FANCL: variants seen among roughly 807,000 people sequenced by gnomAD.
FANCL encodes E3 ubiquitin-protein ligase FANCL.
Under a neutral mutation model 59.4 loss-of-function variants are expected in FANCL, and 69 were observed. The observed-to-expected ratio is 1.16, with a 90% confidence interval of 0.96 to 1.42. The LOEUF is 1.42. Among genes scored for constraint, FANCL ranks in the 40% most tolerant of loss-of-function variants. The pLI, the probability that FANCL is intolerant of heterozygous loss-of-function variation, is 0.00. For synonymous variants in FANCL, 180 were observed against 147.1 expected (o/e 1.22, Z -1.62); for missense variants, 519 against 447.2 (o/e 1.16, Z -1.45).
intron 7 of FANCL, among the ~76,000 whole-genome samples, chr2:58,173,429 G>C (rs975161597): frequency 1.3e-4 from 20 of 152,314 alleles, no homozygotes; most frequent in African/African-American, 4.8e-4. Flanking sequence ...CAGACTAACA[G>C]CTGATCTCTC....
At chr2:58,167,609 T>C (rs1686086761) in intron 7 of FANCL, among the ~76,000 whole-genome samples, 1 of 152,194 alleles carries the variant, frequency 6.6e-6, no homozygotes, top group Admixed American at 6.5e-5. Flanking sequence ...CTAATTGCAT[T>C]TTGAACAGAA....
At chr2:58,176,125 A>G (rs1414671442) in intron 7 of FANCL, among the ~76,000 whole-genome samples, 1 of 151,564 alleles carries the variant, frequency 6.6e-6, no homozygotes, top group East Asian at 1.9e-4. Flanking sequence ...CAAGGAAATA[A>G]AAGAGGATAC....
intron 3 of FANCL, among the ~76,000 whole-genome samples, chr2:58,227,788 G>A (rs911084625): frequency 2.0e-5 from 3 of 152,138 alleles, no homozygotes; most frequent in Non-Finnish European, 2.9e-5. Context: ...CCCGGGGGTG[G>A]AGCCCTCACC....
At chr2:58,214,843 T>G (rs567235212) in intron 5 of FANCL, among the ~76,000 whole-genome samples, 11 of 152,180 alleles carry the variant, frequency 7.2e-5, no homozygotes, top group African/African-American at 2.6e-4. Flanking sequence ...GCCTTATGTA[T>G]CCTTAGTGCT....
intron 4 of FANCL, among the ~76,000 whole-genome samples, chr2:58,222,838 C>A (rs1437199485): frequency 2.0e-5 from 3 of 151,526 alleles, no homozygotes; most frequent in African/African-American, 7.3e-5. Flanking sequence ...AACGGTATTA[C>A]AAAAAGTAAA....
chr2:58,205,281 C>G (rs527413624), intron 5 of FANCL, among the ~76,000 whole-genome samples: 2 of 152,062 alleles, frequency 1.3e-5, no homozygotes, highest in South Asian at 4.2e-4. Flanking sequence ...GAAAATATGT[C>G]TAAATCTGAA....
intron 12 of FANCL, among the ~76,000 whole-genome samples, chr2:58,160,941 A>G (rs189062884): frequency 3.9e-5 from 6 of 152,122 alleles, no homozygotes; most frequent in Admixed American, 6.5e-5. Flanking sequence ...TCATGTATCA[A>G]CTAGGCCCTA....
At chr2:58,212,679 A>T (rs533319398) in intron 5 of FANCL, among the ~76,000 whole-genome samples, 1 of 152,298 alleles carries the variant, frequency 6.6e-6, no homozygotes, top group East Asian at 1.9e-4. Context: ...TCTGTAAAAC[A>T]ACATGGGCAG....
Position 58,161,561 on chromosome 2 carries a change from A to G in FANCL, c.981T>C (p.Ser327=), listed in dbSNP as rs848291. Residue 327 remains serine, a synonymous_variant, in exon 12 of 14, where the codon TCT becomes TCC. Transcript: ENST00000233741. Reference sequence around the variant, plus strand: ...TTTGATGGAAAGGTTGTCCACACTGAGAATTATCACACACTTGATCAGGAA... The same window carrying G: ...TTTGATGGAAAGGTTGTCCACACTGGGAATTATCACACACTTGATCAGGAA... The part of the protein sequence containing the change: ...GTIPDQVCDN[S]QCGQPFHQIC... 1,010,034 of 1,608,860 alleles carry G rather than the reference A, an allele frequency of 0.63. 321,362 individuals carry two copies. The highest frequency in any genetic ancestry group is 0.91 in the African/African-American group (67,793 of 74,852).
At chr2:58,202,053 C>A (rs1224633686) in intron 6 of FANCL, among the ~76,000 whole-genome samples, 2 of 151,564 alleles carry the variant, frequency 1.3e-5, no homozygotes, top group Non-Finnish European at 3.0e-5. Flanking sequence ...AACGTTTCAA[C>A]TATTAGTGTA....
At chr2:58,165,164 T>C (rs563025138) in intron 8 of FANCL, among the ~76,000 whole-genome samples, 2 of 152,248 alleles carry the variant, frequency 1.3e-5, no homozygotes, top group African/African-American at 4.8e-5. Flanking sequence ...GTCGAGAACA[T>C]GATAACATTG....
chr2:58,206,638 A>G (rs963311556), intron 5 of FANCL, among the ~76,000 whole-genome samples: 3 of 152,232 alleles, frequency 2.0e-5, no homozygotes, highest in African/African-American at 7.2e-5. Context: ...TTGTAATCAC[A>G]TAACATAAAA....
At chr2:58,171,762 G>A (rs905361175) in intron 7 of FANCL, among the ~76,000 whole-genome samples, 1 of 152,348 alleles carries the variant, frequency 6.6e-6, no homozygotes, top group Non-Finnish European at 1.5e-5. Context: ...GCGCAAGACA[G>A]TGGGTGCAGT....
intron 7 of FANCL, among the ~76,000 whole-genome samples, chr2:58,192,293 G>C (rs529518507): frequency 6.6e-6 from 1 of 151,848 alleles, no homozygotes; most frequent in South Asian, 2.1e-4. Context: ...AAACTATAGC[G>C]ATATAATATC....
intron 1 of FANCL, among the ~76,000 whole-genome samples, chr2:58,234,004 A>G (rs2103950094): frequency 6.6e-6 from 1 of 152,252 alleles, no homozygotes; most frequent in Admixed American, 6.5e-5. Flanking sequence ...TCCATTAAAT[A>G]AATTGTACAA....
In FANCL at chr2:58,191,918, TTCTC is replaced by T. The variant is rs376831871; in HGVS notation, c.540+6672_540+6675del. Among the ~76,000 whole-genome samples, 161 of 152,046 alleles carry T rather than the reference TTCTC, an allele frequency of 1.1e-3. 1 individual carries two copies. The highest frequency in any genetic ancestry group is 3.7e-3 in the African/African-American group (153 of 41,570). On this transcript the variant is annotated intron_variant, in intron 7 of 13. Transcript: ENST00000233741. ...ATGTAATCTATGACACAGATATTCT[TTCTC>T]TCTTTTTATAAATAAGTAATTTACA... is the stretch of plus-strand genomic sequence containing the variant.
At chr2:58,235,596 C>A (rs2110664) in intron 1 of FANCL, among the ~76,000 whole-genome samples, 64,793 of 151,858 alleles carry the variant, frequency 0.43, 18,359 homozygotes, top group African/African-American at 0.82. Flanking sequence ...CAACAGGTAG[C>A]ATTCATTATG....
chr2:58,185,485 C>T (rs1688312518), intron 7 of FANCL, among the ~76,000 whole-genome samples: 1 of 152,130 alleles, frequency 6.6e-6, no homozygotes, highest in South Asian at 2.1e-4. Context: ...GAAAGTTACT[C>T]TATTCAAAGG....
chr2:58,162,532 G>T (rs993106054), intron 11 of FANCL, among the ~76,000 whole-genome samples: 11 of 151,720 alleles, frequency 7.3e-5, no homozygotes, highest in African/African-American at 2.7e-4. Flanking sequence ...CAAAAATACA[G>T]TACTGACAAG....
Sources: gnomAD v4.1 joint callset for allele counts (sites outside exome capture counted in the v4.1 genomes callset) on GRCh38, gnomAD v4.1.1 for gene constraint, MANE v1.5 for transcripts, NCBI Gene and HGNC (gene_info 2026-07-23, HGNC 2026-07-21) for gene names.